The following LRRC69 variants were observed in gnomAD, a reference collection of about 807,000 sequenced individuals.
LRRC69 encodes leucine rich repeat containing 69.
LRRC69 carries 42 observed loss-of-function variants against 37.8 expected under a neutral mutation model. The ratio of observed to expected loss-of-function variants is 1.11; its 90% confidence interval spans 0.87 to 1.44. LRRC69 has a LOEUF of 1.44. Ranked by LOEUF, LRRC69 falls within the 40% of genes most tolerant of loss-of-function variation. LRRC69 has a pLI of 0.00. For missense variants in LRRC69, 357 were observed against 401.9 expected, an observed-to-expected ratio of 0.89 and a Z score of 0.96; for synonymous variants, 141 against 143.1, an observed-to-expected ratio of 0.99 and a Z score of 0.11.
At chr8:91,121,793 T>A (rs1038244432) in intron 1 of LRRC69, among the ~76,000 whole-genome samples, 5 of 152,126 alleles carry the variant, frequency 3.3e-5, no homozygotes, top group Admixed American at 3.3e-4. Flanking sequence ...AAATGAATGG[T>A]GACCCACCTG....
At chr8:91,175,727 G>T (rs1181206841) in intron 5 of LRRC69, among the ~76,000 whole-genome samples, 1 of 151,984 alleles carries the variant, frequency 6.6e-6, no homozygotes, top group East Asian at 1.9e-4. Context: ...ACGTTTGGTG[G>T]TCCTATTGTA....
At chr8:91,191,397 A>G (rs1164608310) in intron 6 of LRRC69, among the ~76,000 whole-genome samples, 3 of 152,138 alleles carry the variant, frequency 2.0e-5, no homozygotes, top group Non-Finnish European at 4.4e-5. Context: ...TTTTATGCCT[A>G]TTATGGACAA....
intron 1 of LRRC69, among the ~76,000 whole-genome samples, chr8:91,108,612 A>G (rs1813359782): frequency 6.6e-6 from 1 of 152,042 alleles, no homozygotes; most frequent in Non-Finnish European, 1.5e-5. Context: ...CTGAGTTAAG[A>G]TCTAAAGCAA....
chr8:91,181,462 A>G (rs1809323840), intron 5 of LRRC69, among the ~76,000 whole-genome samples: 1 of 152,160 alleles, frequency 6.6e-6, no homozygotes, highest in African/African-American at 2.4e-5. Context: ...ATATAGAGAA[A>G]TTTCATTATA....
At chr8:91,166,492 G>GAAAAAAAAAAAAAAAAAAAAAAAAAA (rs66705016) in intron 5 of LRRC69, among the ~76,000 whole-genome samples, 1 of 95,298 alleles carries the variant, frequency 1.0e-5, no homozygotes, top group African/African-American at 5.1e-5. Flanking sequence ...AAAATAAACT[G>GAAAAAAAAAAAAAAAAAAAAAAAAAA]AAAAAAAAAA....
At chr8:91,112,344 C>A (rs1419662974) in intron 1 of LRRC69, among the ~76,000 whole-genome samples, 1 of 152,012 alleles carries the variant, frequency 6.6e-6, no homozygotes, top group Admixed American at 6.6e-5. Flanking sequence ...GACCTACCAC[C>A]AAGGGGCATC....
chr8:91,185,389 C>G (rs1278383322), intron 5 of LRRC69, among the ~76,000 whole-genome samples: 1 of 151,532 alleles, frequency 6.6e-6, no homozygotes, highest in Non-Finnish European at 1.5e-5. Flanking sequence ...GTGTTTATAG[C>G]CTGGGAGTTT....
intron 6 of LRRC69, among the ~76,000 whole-genome samples, chr8:91,198,234 G>A (rs1363490857): frequency 3.9e-5 from 6 of 152,228 alleles, no homozygotes; most frequent in African/African-American, 1.2e-4. Flanking sequence ...ATGGTTTACC[G>A]TTTTTATGTA....
chr8:91,115,325 A>G (rs961155607), intron 1 of LRRC69, among the ~76,000 whole-genome samples: 1 of 152,010 alleles, frequency 6.6e-6, no homozygotes, highest in Non-Finnish European at 1.5e-5. Context: ...GGTTGAAAAC[A>G]CATGCCTCCA....
At chr8:91,186,639 G>T (rs1187863711) in intron 5 of LRRC69, among the ~76,000 whole-genome samples, 1 of 152,174 alleles carries the variant, frequency 6.6e-6, no homozygotes, top group African/African-American at 2.4e-5. Flanking sequence ...TTCTAAGCAA[G>T]GTTGTTATAT....
chr8:91,188,197 T>G (rs920662941), intron 5 of LRRC69, among the ~76,000 whole-genome samples: 1 of 152,218 alleles, frequency 6.6e-6, no homozygotes, highest in Non-Finnish European at 1.5e-5. Flanking sequence ...ACTTGAGCTT[T>G]GTATTTTATT....
At chr8:91,167,408 A>T (rs1410970828) in intron 5 of LRRC69, among the ~76,000 whole-genome samples, 1 of 151,580 alleles carries the variant, frequency 6.6e-6, no homozygotes, top group Non-Finnish European at 1.5e-5. Context: ...CGCCCCTATG[A>T]TTCAATATCC....
intron 5 of LRRC69, among the ~76,000 whole-genome samples, chr8:91,183,017 T>C (rs1442197675): frequency 1.3e-5 from 2 of 152,072 alleles, no homozygotes; most frequent in Admixed American, 1.3e-4. Context: ...GAAAGATACA[T>C]TCCAGACAGA....
chr8:91,150,508 T>C (rs1420900798), intron 5 of LRRC69, among the ~76,000 whole-genome samples: 1 of 152,046 alleles, frequency 6.6e-6, no homozygotes, highest in African/African-American at 2.4e-5. Flanking sequence ...TGAGGATTTT[T>C]GCGTCAATGT....
chr8:91,151,145 T>C (rs909283835), intron 5 of LRRC69, among the ~76,000 whole-genome samples: 3 of 151,996 alleles, frequency 2.0e-5, no homozygotes, highest in Non-Finnish European at 4.4e-5. Flanking sequence ...ATGTGTTTGC[T>C]CTTGCTTCTC....
chr8:91,147,436 C>CT (rs1195581963), intron 5 of LRRC69, among the ~76,000 whole-genome samples: 1 of 150,960 alleles, frequency 6.6e-6, no homozygotes. Context: ...TCTGACTATT[C>CT]TTTTTTTCTC....
At chr8:91,109,058 A>G (rs1813367989) in intron 1 of LRRC69, among the ~76,000 whole-genome samples, 1 of 151,920 alleles carries the variant, frequency 6.6e-6, no homozygotes, top group African/African-American at 2.4e-5. Flanking sequence ...CAATTAGGTA[A>G]TGCCTCCTAT....
At chr8:91,173,066 C>T (rs1014401958) in intron 5 of LRRC69, among the ~76,000 whole-genome samples, 3 of 151,884 alleles carry the variant, frequency 2.0e-5, no homozygotes, top group African/African-American at 7.2e-5. Context: ...ACTCACGGCT[C>T]CATTTTATTT....
intron 1 of LRRC69, among the ~76,000 whole-genome samples, chr8:91,108,263 C>G (rs764855308): frequency 3.9e-5 from 6 of 151,976 alleles, no homozygotes; most frequent in Non-Finnish European, 5.9e-5. Context: ...CTTTTGCTGT[C>G]CTTAATGACC....
Sources: gnomAD v4.1 joint callset for allele counts (sites outside exome capture counted in the v4.1 genomes callset) on GRCh38, gnomAD v4.1.1 for gene constraint, MANE v1.5 for transcripts, NCBI Gene and HGNC (gene_info 2026-07-23, HGNC 2026-07-21) for gene names.